The following SH3RF3 variants were observed in gnomAD, a reference collection of about 807,000 sequenced individuals.
The protein encoded by SH3RF3 is E3 ubiquitin-protein ligase SH3RF3.
Under a neutral mutation model 66.3 loss-of-function variants are expected in SH3RF3, and 29 were observed. That is an observed-to-expected ratio of 0.44 (90% CI 0.33 to 0.60). The LOEUF is 0.60. SH3RF3 is among the 20% of genes least tolerant of loss of function. The pLI is 0.04. For missense variants in SH3RF3, 1,194 were observed against 1,190.9 expected (o/e 1.00, Z -0.04); for synonymous variants, 583 against 532.0 (o/e 1.10, Z -1.32).
intron 1 of SH3RF3, among the ~76,000 whole-genome samples, chr2:109,327,391 A>C (rs1388033439): frequency 6.6e-6 from 1 of 152,142 alleles, no homozygotes; most frequent in East Asian, 1.9e-4. Flanking sequence ...TCTATTGTTG[A>C]TTAAACTATT....
At chr2:109,419,177 A>G (rs1198672793) in intron 4 of SH3RF3, among the ~76,000 whole-genome samples, 4 of 152,090 alleles carry the variant, frequency 2.6e-5, no homozygotes, top group Admixed American at 6.6e-5. Flanking sequence ...GTTTCATAGC[A>G]TGAAAGATTT....
intron 5 of SH3RF3, among the ~76,000 whole-genome samples, chr2:109,424,825 C>T (rs1667912888): frequency 6.6e-6 from 1 of 152,122 alleles, no homozygotes; most frequent in Non-Finnish European, 1.5e-5. Context: ...TGAAATCAGG[C>T]CTTTTAGTAA....
intron 1 of SH3RF3, among the ~76,000 whole-genome samples, chr2:109,182,019 C>CA (rs1678086264): frequency 6.6e-6 from 1 of 151,964 alleles, no homozygotes; most frequent in African/African-American, 2.4e-5. Context: ...TTTTGAACTT[C>CA]AAAAAAATTA....
intron 1 of SH3RF3, among the ~76,000 whole-genome samples, chr2:109,339,547 G>A (rs539398353): frequency 6.6e-6 from 1 of 152,282 alleles, no homozygotes; most frequent in South Asian, 2.1e-4. Context: ...TGGTAGATGG[G>A]GCCGACCAGG....
At chr2:109,230,062 G>A (rs1281352923) in intron 1 of SH3RF3, among the ~76,000 whole-genome samples, 3 of 151,710 alleles carry the variant, frequency 2.0e-5, no homozygotes, top group Admixed American at 6.6e-5. Context: ...TTGACTTCGT[G>A]ATCCGCCCGC....
intron 1 of SH3RF3, among the ~76,000 whole-genome samples, chr2:109,162,290 GGC>G (rs1677507080): frequency 6.6e-6 from 1 of 152,224 alleles, no homozygotes; most frequent in Non-Finnish European, 1.5e-5. Flanking sequence ...ATTCCTAAAA[GGC>G]GCTGGTGTAA....
At chr2:109,501,124 GAC>G (rs1679373497) in intron 9 of SH3RF3, among the ~76,000 whole-genome samples, 1 of 152,050 alleles carries the variant, frequency 6.6e-6, no homozygotes, top group African/African-American at 2.4e-5. Flanking sequence ...GGCAAATGGG[GAC>G]ACAGTTTTTC....
intron 1 of SH3RF3, among the ~76,000 whole-genome samples, chr2:109,295,065 G>C (rs923980080): frequency 1.3e-5 from 2 of 152,218 alleles, no homozygotes; most frequent in African/African-American, 4.8e-5. Flanking sequence ...TGCCACTGTT[G>C]TCCATGTCAC....
chr2:109,420,741 G>A (rs762966055), intron 5 of SH3RF3, among the ~76,000 whole-genome samples: 13 of 152,110 alleles, frequency 8.5e-5, no homozygotes, highest in South Asian at 2.1e-4. Context: ...CACCGCGCCC[G>A]GCCAAACAGG....
Position 109,390,245 on chromosome 2 carries a change from C to T in SH3RF3, c.946-8345C>T, listed in dbSNP as rs1434275190. ...CTTCACACACTTCTTTGCCCATAAACTACCAGTTTATCTCCTTTTAGGTTC... is the reference window on the plus strand; with the variant it reads ...CTTCACACACTTCTTTGCCCATAAATTACCAGTTTATCTCCTTTTAGGTTC... On this transcript the variant is annotated intron_variant, in intron 3 of 9. Transcript: ENST00000309415. Among the ~76,000 whole-genome samples, 6 of 152,188 alleles carry T rather than the reference C, an allele frequency of 3.9e-5. No individual in the cohort carries two copies. The East Asian group carries it at 9.6e-4, about 24-fold the overall frequency.
chr2:109,391,296 G>C (rs1161743381), intron 3 of SH3RF3, among the ~76,000 whole-genome samples: 1 of 152,218 alleles, frequency 6.6e-6, no homozygotes, highest in African/African-American at 2.4e-5. Context: ...AGCCTGACCT[G>C]TATGCTTCAG....
At chr2:109,239,937 A>C (rs1679740065) in intron 1 of SH3RF3, among the ~76,000 whole-genome samples, 1 of 152,228 alleles carries the variant, frequency 6.6e-6, no homozygotes, top group Non-Finnish European at 1.5e-5. Context: ...GGTGACTGAT[A>C]GCAAAATGTG....
chr2:109,372,665 G>A (rs191017334), intron 3 of SH3RF3, among the ~76,000 whole-genome samples: 10 of 152,308 alleles, frequency 6.6e-5, no homozygotes, highest in Non-Finnish European at 1.2e-4. Flanking sequence ...GTTTCAGCGC[G>A]GGCCTCTTGG....
At chr2:109,378,582 T>C (rs901426679) in intron 3 of SH3RF3, among the ~76,000 whole-genome samples, 2 of 152,250 alleles carry the variant, frequency 1.3e-5, no homozygotes, top group African/African-American at 4.8e-5. Context: ...ATTGGACATC[T>C]TGGCATTCCT....
chr2:109,389,985 G>A (rs1269819693), intron 3 of SH3RF3, among the ~76,000 whole-genome samples: 2 of 152,250 alleles, frequency 1.3e-5, no homozygotes, highest in South Asian at 2.1e-4. Flanking sequence ...TAAGATCTGC[G>A]ATTTCTAAGG....
At chr2:109,466,913 CTA>C (rs1326288668) in intron 8 of SH3RF3, among the ~76,000 whole-genome samples, 32 of 151,902 alleles carry the variant, frequency 2.1e-4, no homozygotes, top group African/African-American at 6.0e-4. Context: ...GTATGTGTGT[CTA>C]TATGTGTATG....
intron 1 of SH3RF3, among the ~76,000 whole-genome samples, chr2:109,170,239 TTTCTTTTCTC>T (rs200477679): frequency 0.082 from 10,988 of 133,248 alleles, 1,007 homozygotes; most frequent in Admixed American, 0.13. Flanking sequence ...CTTCTCTTCT[TTTCTTTTCTC>T]TTCTCTTCTC....
At chr2:109,249,532 T>TCTTTCTTTCTTTCCTTCC (rs1680019241) in intron 1 of SH3RF3, among the ~76,000 whole-genome samples, 1 of 96,448 alleles carries the variant, frequency 1.0e-5, no homozygotes, top group Non-Finnish European at 2.0e-5. Flanking sequence ...TCTTTCTTTC[T>TCTTTCTTTCTTTCCTTCC]TTCCTTCCTT....
intron 1 of SH3RF3, among the ~76,000 whole-genome samples, chr2:109,166,839 C>G (rs985732610): frequency 9.2e-5 from 14 of 152,154 alleles, no homozygotes; most frequent in Admixed American, 4.6e-4. Flanking sequence ...CTATAATCCC[C>G]CATATATGAT....
Sources: allele counts gnomAD v4.1 joint callset (sites outside exome capture counted in the v4.1 genomes callset), GRCh38; gene constraint gnomAD v4.1.1; transcripts MANE v1.5; gene names NCBI Gene and HGNC (gene_info 2026-07-23, HGNC 2026-07-21).